The following L1CAM variants were observed in gnomAD, a reference collection of about 807,000 sequenced individuals.
L1CAM encodes the protein neural cell adhesion molecule L1.
Under a neutral mutation model 93.0 loss-of-function variants are expected in L1CAM, and 8 were observed. The observed-to-expected ratio is 0.09, with a 90% confidence interval of 0.05 to 0.16. The LOEUF (loss-of-function observed/expected upper bound fraction) is 0.16. Among genes scored for constraint, L1CAM ranks in the 10% least tolerant of loss-of-function variants. The pLI, the probability that L1CAM is intolerant of heterozygous loss-of-function variation, is 1.00. For missense variants in L1CAM, 777 were observed against 1,073.4 expected (o/e 0.72, Z 3.86); for synonymous variants, 453 against 453.0 (o/e 1.00, Z 0.00).
chrX:153,874,851 G>A (rs1339832237), intron 2 of L1CAM, among the ~76,000 whole-genome samples: 2 of 111,483 alleles, frequency 1.8e-5, no homozygotes. Flanking sequence ...ACACCATCAC[G>A]GTAACACCCC....
intron 1 of L1CAM, among the ~76,000 whole-genome samples, chrX:153,878,229 A>C (rs781922512): frequency 1.8e-5 from 2 of 112,751 alleles, no homozygotes; most frequent in African/African-American, 6.4e-5. Context: ...GGAACACCGA[A>C]AGGATGGTAG....
chrX:153,872,840 C>T, intron 3 of L1CAM, 143 bp from the exon 4 acceptor site: 1 of 526,493 alleles, frequency 1.9e-6, no homozygotes. Flanking sequence ...AGGGGAAGAA[C>T]AAAAGAGGCT....
In L1CAM at chrX:153,867,571, G is replaced by A. The variant is rs1007870766; in HGVS notation, c.1940-18C>T. 9 of 1,186,532 alleles carry A rather than the reference G, an allele frequency of 7.6e-6. No homozygotes were observed. The Admixed American group carries it at 8.7e-5, about 12-fold the overall frequency. ...GTCATATTCTGCCAAGAAATGAACC[G>A]ACAATGGAGTGATCAGCATGTGGCT... is the stretch of plus-strand genomic sequence containing the variant. On this transcript the variant is annotated intron_variant, in intron 16 of 28. Transcript: ENST00000370060.
chrX:153,874,589 C>T (rs1429907299), intron 2 of L1CAM, among the ~76,000 whole-genome samples: 4 of 112,410 alleles, frequency 3.6e-5, no homozygotes, highest in South Asian at 3.6e-4. Flanking sequence ...TGCCTCCCAA[C>T]GCCAGGTGCC....
At position 153,869,956 on chromosome X, in the gene L1CAM, C is replaced by T. The variant is rs1359899975; in HGVS notation, c.992-22G>A. 6 of 1,208,042 alleles carry T rather than the reference C, an allele frequency of 5.0e-6. No homozygotes were observed. In the African/African-American group the frequency reaches 1.0e-4, roughly 21 times the overall value. ...GCAGCTGGGAGGAAGGGGAGAGCCG[C>T]CCTGAGCCCGCAGCCAGCAGCTGGC... On this transcript the variant is annotated intron_variant, in intron 9 of 28. Transcript: ENST00000370060.
In L1CAM at chrX:153,864,573, T is replaced by G; in HGVS notation, c.3166+12A>C. 1 of 838,255 alleles carries G rather than the reference T, an allele frequency of 1.2e-6. No individual in the cohort carries two copies. Among genetic ancestry groups the G allele is most frequent in the Non-Finnish European group, 1.7e-6 (1 of 597,438 alleles). The allele number at this position is 838,255 out of a possible 1,213,427, so 69.1% of individuals were successfully genotyped here. The stretch of plus-strand genomic sequence containing the variant: ...TTCCCCACCACGCCCCAAGGCCCCC[T>G]TTCACGCTTACCTCCCAAGGCTTTG... On this transcript the variant is annotated intron_variant, in intron 24 of 28. Coordinates refer to ENST00000370060, the MANE Select transcript of L1CAM (RefSeq NM_001278116.2).
At chrX:153,876,033 G>A (rs2064811699) in intron 1 of L1CAM, 89 bp from the exon 2 acceptor site, 2 of 470,622 alleles carry the variant, frequency 4.2e-6, no homozygotes, top group Admixed American at 3.0e-5. Context: ...GGTAAGCCCG[G>A]GCTCTTGGCC....
chrX:153,863,818 G>A (rs2064685858), intron 26 of L1CAM, 65 bp downstream of exon 26: 1 of 1,195,616 alleles, frequency 8.4e-7, no homozygotes, highest in African/African-American at 1.7e-5. Flanking sequence ...GCAGAAGGGT[G>A]GAAGGGGCGA....
At position 153,870,137 on chromosome X, in the gene L1CAM, C is replaced by T. The variant is rs201311640; in HGVS notation, c.910G>A (p.Glu304Lys). 8.3e-7 allele frequency: 1 copy of T among 1,210,692 alleles called. No homozygotes were observed. Among genetic ancestry groups the T allele is most frequent in the African/African-American group, 1.7e-5 (1 of 57,467 alleles). ...CAGCGGTACTCGCCATCATCCTCCT[C>T]GCCCACTTTCAGCAGCTGCAGGGTC... ...NKTLQLLKVG[E>K]EDDGEYRCLA... The change falls in exon 9 of 29, where the codon GAG (glutamate) becomes AAG (lysine). Residue 304 changes from glutamate (E) to lysine (K), a missense_variant. Physicochemically the swap from Glu to Lys is moderately conservative, Grantham distance 56. Around this residue, in one of 5 missense-constraint regions of L1CAM, gnomAD observed 574 missense variants for 781.0 expected, o/e 0.73. Coordinates refer to ENST00000370060, the MANE Select transcript of L1CAM (RefSeq NM_001278116.2).
intron 5 of L1CAM, 140 bp from the exon 6 acceptor site, chrX:153,871,319 C>A: frequency 1.8e-6 from 1 of 558,145 alleles, no homozygotes. Flanking sequence ...AGAAACTTCA[C>A]AGAAAAGGAG....
chrX:153,885,820 G>GAC (rs1557096847), intron 1 of L1CAM: 3 of 689,085 alleles, frequency 4.4e-6, no homozygotes, highest in Non-Finnish European at 5.0e-6. Flanking sequence ...CAGCATCTGG[G>GAC]GCCCCGCAGG....
chrX:153,872,452 G>T, intron 4 of L1CAM, 98 bp from the exon 5 acceptor site: 1 of 956,036 alleles, frequency 1.0e-6, no homozygotes, highest in South Asian at 2.0e-5. Flanking sequence ...GGCCCCCAGG[G>T]GATGGACTGG....
intron 1 of L1CAM, among the ~76,000 whole-genome samples, chrX:153,877,823 C>T (rs187418475): frequency 3.6e-5 from 4 of 111,994 alleles, no homozygotes; most frequent in Admixed American, 2.8e-4. Context: ...GGACATTTTC[C>T]GTGACAGTGT....
chrX:153,865,855 C>A, intron 19 of L1CAM, 36 bp from the exon 20 acceptor site: 1 of 1,002,953 alleles, frequency 1.0e-6, no homozygotes. Flanking sequence ...GAGCCATAGG[C>A]TCTCACCCCA....
At chrX:153,867,589 A>G (rs1557091434) in intron 16 of L1CAM, 36 bp from the exon 17 acceptor site, 1 of 1,162,876 alleles carries the variant, frequency 8.6e-7, no homozygotes, top group East Asian at 3.0e-5. Context: ...AGTGATCAGC[A>G]TGTGGCTTTG....
Position 153,875,955 on chromosome X carries a change from G to A in L1CAM, c.-108-11C>T, listed in dbSNP as rs1015315822. 4.6e-5 allele frequency: 26 copies of A among 565,508 alleles called. 1 individual carries two copies. The highest frequency in any genetic ancestry group is 6.9e-5 in the Non-Finnish European group (23 of 335,742). 46.6% of individuals were successfully genotyped at this position (565,508 alleles called of 1,213,427 possible). ...TTGGGAGTGGGGGCACTGGGAGAGG[G>A]GAGAAGGGAAGGGAAGGGTGGGGGA... On this transcript the variant is annotated splice_polypyrimidine_tract_variant and intron_variant, in intron 1 of 28. Transcript: ENST00000370060.
At chrX:153,883,900 G>A (rs1417928333) in intron 1 of L1CAM, 1 of 340,852 alleles carries the variant, frequency 2.9e-6, no homozygotes, top group Non-Finnish European at 5.9e-6. Flanking sequence ...GATCAAGGTA[G>A]GGCACACAGG....
chrX:153,885,229 AC>A, intron 1 of L1CAM: 1 of 323,206 alleles, frequency 3.1e-6, no homozygotes, highest in Non-Finnish European at 5.9e-6. Flanking sequence ...GTGCGCAGGG[AC>A]CGCCTGAGCC....
At chrX:153,870,990 AC>A in intron 6 of L1CAM, 30 bp from the exon 7 acceptor site, 1 of 1,209,409 alleles carries the variant, frequency 8.3e-7, no homozygotes, top group Non-Finnish European at 1.1e-6. Context: ...CGAAGTCATG[AC>A]CCCGTCCAGG....
Sources: gnomAD v4.1 joint callset for allele counts (sites outside exome capture counted in the v4.1 genomes callset) on GRCh38, gnomAD v4.1.1 for gene constraint, gnomAD v4.1.1 regional missense constraint, MANE v1.5 for transcripts, NCBI Gene and HGNC (gene_info 2026-07-23, HGNC 2026-07-21) for gene names.